DHX36: variants seen among roughly 807,000 people sequenced by gnomAD.
The protein encoded by DHX36 is ATP-dependent DNA/RNA helicase DHX36.
A neutral mutation model predicts 139.0 loss-of-function variants in DHX36; 50 were observed. The ratio of observed to expected loss-of-function variants is 0.36; its 90% CI spans 0.29 to 0.46. The LOEUF is 0.46. Ranked by LOEUF, DHX36 falls within the 20% of genes least tolerant of loss-of-function variation. The pLI, the probability that DHX36 is intolerant of heterozygous loss-of-function variation, is 1.00. For synonymous variants in DHX36, 425 were observed against 401.9 expected (o/e 1.06, Z -0.69); for missense variants, 1,024 against 1,211.3 (o/e 0.85, Z 2.29).
chr3:154,300,439 C>T (rs1275745105), intron 11 of DHX36, among the ~76,000 whole-genome samples, 155 bp downstream of exon 11: 1 of 152,128 alleles, frequency 6.6e-6, no homozygotes, highest in African/African-American at 2.4e-5. Context: ...AGGTCAAATG[C>T]CTAAATCTTT....
At chr3:154,296,016 C>T (rs562497483) in intron 12 of DHX36, among the ~76,000 whole-genome samples, 2 of 152,296 alleles carry the variant, frequency 1.3e-5, no homozygotes, top group African/African-American at 4.8e-5. Context: ...AATCCACCCA[C>T]CTCAGCCTTC....
intron 8 of DHX36, 88 bp from the exon 9 acceptor site, chr3:154,303,498 CTTACTA>C: frequency 2.1e-6 from 2 of 935,690 alleles, no homozygotes; most frequent in Non-Finnish European, 3.2e-6. Context: ...GACTCTATTA[CTTACTA>C]TTAATTCCAG....
intron 12 of DHX36, chr3:154,299,584 G>C (rs540457261): frequency 4.8e-6 from 2 of 417,130 alleles, no homozygotes; most frequent in African/African-American, 2.0e-5. Flanking sequence ...GAAACACTGG[G>C]CCAAGGGATT....
chr3:154,294,437 T>TCATTTA (rs1439565415), intron 13 of DHX36, among the ~76,000 whole-genome samples: 1 of 152,158 alleles, frequency 6.6e-6, no homozygotes, highest in African/African-American at 2.4e-5. Context: ...AAACTGGTAG[T>TCATTTA]CAATACAGAA....
intron 3 of DHX36, among the ~76,000 whole-genome samples, chr3:154,312,734 T>C (rs981981668): frequency 6.7e-6 from 1 of 148,876 alleles, no homozygotes; most frequent in African/African-American, 2.5e-5. Flanking sequence ...CCCAGCTACT[T>C]GGGAGGTTAA....
intron 20 of DHX36, among the ~76,000 whole-genome samples, chr3:154,282,559 G>A (rs1047748385): frequency 4.7e-5 from 7 of 150,174 alleles, no homozygotes; most frequent in East Asian, 3.9e-4. Flanking sequence ...CTTTCCTTCC[G>A]AATTGTGGTG....
At chr3:154,316,227 A>T (rs909511456) in intron 1 of DHX36, 64 bp from the exon 2 acceptor site, 2 of 1,590,912 alleles carry the variant, frequency 1.3e-6, no homozygotes, top group African/African-American at 1.4e-5. Context: ...AAATTATTTG[A>T]TACTGAAGAA....
At chr3:154,291,056 A>AC (rs1711783423) in intron 15 of DHX36, among the ~76,000 whole-genome samples, 1 of 133,374 alleles carries the variant, frequency 7.5e-6, no homozygotes. Context: ...AATGGCGTGA[A>AC]CCCGGGAGGC....
At chr3:154,276,422 A>G in intron 24 of DHX36, 66 bp from the exon 25 acceptor site, 1 of 1,426,518 alleles carries the variant, frequency 7.0e-7, no homozygotes, top group Non-Finnish European at 9.6e-7. Context: ...ATAATAAATG[A>G]AACTAATTTA....
At chr3:154,318,772 T>C (rs1000226651) in intron 1 of DHX36, among the ~76,000 whole-genome samples, 9 of 152,342 alleles carry the variant, frequency 5.9e-5, no homozygotes, top group African/African-American at 2.2e-4. Flanking sequence ...ACAGGAAAGA[T>C]GACCAAAGTA....
rs571035538 is a variant in DHX36 at position 154,295,053 on chromosome 3, T to C, written c.1605+231A>G. On this transcript the variant is annotated intron_variant, in intron 13 of 24. Transcript: ENST00000496811. ...GGTGAAACCAATTCTTTAAACTTTT[T>C]CCTAATGTAGACAAAACTAATCTGA... Among the ~76,000 whole-genome samples the C allele has an allele frequency of 3.3e-5, 5 of 152,324 alleles. 1 individual carries two copies. The South Asian group carries it at 6.2e-4, about 19-fold the overall frequency.
At chr3:154,300,725 ATACT>A (rs1243803629) in intron 10 of DHX36, 29 bp from the exon 11 acceptor site, 8 of 1,551,060 alleles carry the variant, frequency 5.2e-6, no homozygotes, top group Non-Finnish European at 7.1e-6. Flanking sequence ...AAGTCATGAA[ATACT>A]TAATCAAGTT....
At chr3:154,278,092 A>C (rs2108329748) in intron 22 of DHX36, among the ~76,000 whole-genome samples, 1 of 152,284 alleles carries the variant, frequency 6.6e-6, no homozygotes, top group Non-Finnish European at 1.5e-5. Context: ...AAAATAATTA[A>C]GTGATTCATA....
At chr3:154,318,020 C>T (rs1447367455) in intron 1 of DHX36, among the ~76,000 whole-genome samples, 1 of 152,002 alleles carries the variant, frequency 6.6e-6, no homozygotes, top group East Asian at 1.9e-4. Context: ...TTTGAAAACC[C>T]AGGGTGGGTA....
intron 15 of DHX36, among the ~76,000 whole-genome samples, chr3:154,291,542 T>A (rs986188831): frequency 6.6e-6 from 1 of 152,224 alleles, no homozygotes; most frequent in Non-Finnish European, 1.5e-5. Flanking sequence ...TATACTTCTT[T>A]GACTAAACCA....
chr3:154,323,427 A>G (rs768687675), intron 1 of DHX36, among the ~76,000 whole-genome samples: 3 of 152,206 alleles, frequency 2.0e-5, no homozygotes, highest in Non-Finnish European at 4.4e-5. Context: ...GGCCTATACT[A>G]AGAAAGTTCC....
intron 8 of DHX36, among the ~76,000 whole-genome samples, 182 bp downstream of exon 8, chr3:154,304,624 T>C (rs986735485): frequency 3.3e-5 from 5 of 152,186 alleles, no homozygotes; most frequent in Admixed American, 2.6e-4. Context: ...CTATGAGAGA[T>C]GATGCCACCA....
In DHX36 at chr3:154,324,249, G is replaced by C; in HGVS notation, c.168C>G (p.His56Gln). The C allele has an allele frequency of 6.2e-7, 1 of 1,613,476 alleles. No homozygotes were observed. ...ACATGCCGATTTCGCGGCCTTTCAG[G>C]TGCCCGGGATGCCGGCCCCTGCCGC... ...GRGGRGRHPG[H>Q]LKGREIGMWY... Residue 56 changes from histidine to glutamine, a missense_variant, in exon 1 of 25, where the codon CAC (histidine) becomes CAG (glutamine). His to Gln is a conservative substitution (Grantham distance 24, BLOSUM62 0). Around this residue, in one of 4 missense-constraint regions of DHX36, gnomAD observed 293 missense variants for 274.4 expected, o/e 1.07. Transcript: ENST00000496811.
Position 154,292,538 on chromosome 3 carries a change from G to C in DHX36, c.1814+13C>G, listed in dbSNP as rs779828243. ...GTGTGTTCTAAAAGCTTTGGACAGA[G>C]TTCCCACCTTACCTTCCAGCTCGAC... On this transcript the variant is annotated intron_variant, in intron 15 of 24. Coordinates refer to ENST00000496811, the MANE Select transcript of DHX36 (RefSeq NM_020865.3). The C allele has an allele frequency of 2.5e-6, 4 of 1,613,890 alleles. No individual in the cohort carries two copies. The highest frequency in any genetic ancestry group is 3.4e-6 in the Non-Finnish European group (4 of 1,179,982).
Sources: allele counts gnomAD v4.1 joint callset (sites outside exome capture counted in the v4.1 genomes callset), GRCh38; gene constraint gnomAD v4.1.1; regional missense constraint gnomAD v4.1.1; transcripts MANE v1.5; gene names NCBI Gene and HGNC (gene_info 2026-07-23, HGNC 2026-07-21).